HIVEP3: variants seen among roughly 807,000 people sequenced by gnomAD.
HIVEP3 encodes the protein transcription factor HIVEP3.
A neutral mutation model predicts 152.8 loss-of-function variants in HIVEP3; 49 were observed. That is an observed-to-expected ratio of 0.32 (90% CI 0.26 to 0.41). The LOEUF (loss-of-function observed/expected upper bound fraction) is 0.41. Ranked by LOEUF, HIVEP3 falls within the 10% of genes least tolerant of loss-of-function variation. HIVEP3 has a pLI of 1.00. For synonymous variants in HIVEP3, 1,269 were observed against 1,289.0 expected, an observed-to-expected ratio of 0.98 and a Z score of 0.33; for missense variants, 2,790 against 3,103.3, an observed-to-expected ratio of 0.90 and a Z score of 2.40.
In HIVEP3 at chr1:41,581,341, G is replaced by A; in HGVS notation, c.3457C>T (p.Gln1153Ter). ...TCTGGAGACTGTCCTGGCTCATGCT[G>A]CACGAGATGCTGGAAGGAGAAAAGG... is the stretch of plus-strand genomic sequence containing the variant. ...VSLFSFQHLV[Q>*]HEPGQSPEFF... Residue 1153 changes from glutamine to a stop codon, truncating the protein, a stop_gained, in exon 4 of 9, where the codon CAG becomes TAG. Coordinates refer to ENST00000372583, the MANE Select transcript of HIVEP3 (RefSeq NM_024503.5). LOFTEE classifies it high-confidence loss of function. The surrounding 1 kb of genome is among the most constrained non-coding windows in gnomAD (Gnocchi z 4.5). 1 of 1,613,802 alleles carries A rather than the reference G, an allele frequency of 6.2e-7. No homozygotes were observed. The highest frequency in any genetic ancestry group is 8.5e-7 in the Non-Finnish European group (1 of 1,179,894).
intron 5 of HIVEP3, among the ~76,000 whole-genome samples, chr1:41,559,113 T>C (rs954232985): frequency 6.6e-6 from 1 of 152,190 alleles, no homozygotes; most frequent in African/African-American, 2.4e-5. Flanking sequence ...AAAATTCCGC[T>C]TGGAGCTTTG....
At chr1:41,601,485 T>C (rs754627397) in intron 3 of HIVEP3, among the ~76,000 whole-genome samples, 2 of 152,148 alleles carry the variant, frequency 1.3e-5, no homozygotes, top group Non-Finnish European at 2.9e-5. Context: ...CTAAGTTCAT[T>C]CCTAAGTATT....
At chr1:41,850,581 AG>A (rs1259115889) in intron 1 of HIVEP3, among the ~76,000 whole-genome samples, 1 of 152,188 alleles carries the variant, frequency 6.6e-6, no homozygotes, top group Non-Finnish European at 1.5e-5. Context: ...TAGAGTCACA[AG>A]GCTCAAGAGT....
chr1:41,994,165 A>T (rs1283384849), intron 1 of HIVEP3, among the ~76,000 whole-genome samples: 3 of 152,032 alleles, frequency 2.0e-5, no homozygotes, highest in Non-Finnish European at 4.4e-5. Context: ...AAAGAAAAAA[A>T]TAAAAATAAA....
rs773327111 is a variant in HIVEP3 at position 41,524,723 on chromosome 1, ACT to A, written c.5383+10_5383+11del. 8.9e-5 allele frequency: 143 copies of A among 1,612,606 alleles called. No individual in the cohort carries two copies. The Admixed American group carries it at 2.2e-3, about 25-fold the overall frequency. On this transcript the variant is annotated intron_variant, in intron 6 of 8. Coordinates refer to ENST00000372583, the MANE Select transcript of HIVEP3 (RefSeq NM_024503.5). ...GCGGGCAGGGGCAGTGCCCCAGCTG[ACT>A]CTCTCTTACCTTTGGTTTTAAAAGC...
intron 1 of HIVEP3, among the ~76,000 whole-genome samples, chr1:41,710,891 C>T (rs148042939): frequency 1.5e-3 from 227 of 152,368 alleles, no homozygotes; most frequent in African/African-American, 5.2e-3. Flanking sequence ...GATTACTCCA[C>T]TGACTCCCCA....
intron 1 of HIVEP3, among the ~76,000 whole-genome samples, chr1:41,798,625 T>A (rs1650119210): frequency 6.6e-6 from 1 of 152,252 alleles, no homozygotes; most frequent in African/African-American, 2.4e-5. Flanking sequence ...GCTGCCTTTT[T>A]TTTCTCCCCA....
chr1:42,021,125 GAA>G (rs1175595941), intron 1 of HIVEP3, among the ~76,000 whole-genome samples: 3 of 152,180 alleles, frequency 2.0e-5, no homozygotes. Context: ...ACTTGTGTTT[GAA>G]AAGACTGTTC....
chr1:41,674,672 C>A (rs79947601), intron 2 of HIVEP3, among the ~76,000 whole-genome samples: 1 of 152,180 alleles, frequency 6.6e-6, no homozygotes, highest in Non-Finnish European at 1.5e-5. Context: ...CAGCCCCACC[C>A]GGCTGCCGGC....
At chr1:41,705,546 C>T (rs768553283) in intron 1 of HIVEP3, among the ~76,000 whole-genome samples, 9 of 152,132 alleles carry the variant, frequency 5.9e-5, no homozygotes, top group Admixed American at 2.0e-4. Context: ...AAGTGCAGAC[C>T]GAGGCTCAAA....
Position 41,524,895 on chromosome 1 carries a change from T to C in HIVEP3, c.5223A>G (p.Glu1741=), listed in dbSNP as rs1189658760. The C allele has an allele frequency of 2.5e-6, 4 of 1,613,474 alleles. No individual in the cohort carries two copies. Among genetic ancestry groups the C allele is most frequent in the Admixed American group, 1.7e-5 (1 of 59,966 alleles). The change falls in exon 6 of 9, where the codon GAA becomes GAG. Residue 1741 remains glutamate, a synonymous_variant. Coordinates refer to ENST00000372583, the MANE Select transcript of HIVEP3 (RefSeq NM_024503.5). ...CGCGGCCTCGCACATATACATACTCTTCGTTTGATTTGTACCTATGAGCAA... is the reference window on the plus strand; with the variant it reads ...CGCGGCCTCGCACATATACATACTCCTCGTTTGATTTGTACCTATGAGCAA... ...KIFEGGYKSN[E]EYVYVRGRGR...
intron 1 of HIVEP3, among the ~76,000 whole-genome samples, chr1:41,747,082 T>C (rs1471826304): frequency 1.3e-5 from 2 of 152,012 alleles, no homozygotes; most frequent in African/African-American, 4.8e-5. Context: ...TTCCCACCTG[T>C]GAGAGGCAGC....
intron 1 of HIVEP3, among the ~76,000 whole-genome samples, chr1:41,906,004 G>A (rs1644703346): frequency 6.6e-6 from 1 of 152,114 alleles, no homozygotes; most frequent in Non-Finnish European, 1.5e-5. Context: ...CTATCAACAG[G>A]TGGATGGATA....
intron 1 of HIVEP3, among the ~76,000 whole-genome samples, chr1:41,778,787 T>C (rs1000894500): frequency 6.6e-6 from 1 of 152,018 alleles, no homozygotes. Flanking sequence ...CAGTAAGTGG[T>C]AAGAAGAAAA....
intron 1 of HIVEP3, among the ~76,000 whole-genome samples, chr1:41,737,505 T>G (rs1407499889): frequency 6.6e-6 from 1 of 152,198 alleles, no homozygotes; most frequent in Non-Finnish European, 1.5e-5. Flanking sequence ...CCCCTGTCAT[T>G]GGGTTTAGTG....
At chr1:41,728,858 T>A (rs1646795912) in intron 1 of HIVEP3, among the ~76,000 whole-genome samples, 1 of 152,148 alleles carries the variant, frequency 6.6e-6, no homozygotes, top group Non-Finnish European at 1.5e-5. Context: ...AGGCACAGGC[T>A]AGGGTCCCAG....
intron 3 of HIVEP3, among the ~76,000 whole-genome samples, chr1:41,610,679 C>T (rs1644884480): frequency 6.6e-6 from 1 of 152,234 alleles, no homozygotes; most frequent in African/African-American, 2.4e-5. Flanking sequence ...ACCTGTCCAG[C>T]TTCTCCAGCT....
chr1:41,989,066 G>T (rs886518525), intron 1 of HIVEP3, among the ~76,000 whole-genome samples: 3 of 152,102 alleles, frequency 2.0e-5, no homozygotes, highest in African/African-American at 7.2e-5. Context: ...AGGATAGTGG[G>T]GGATGGGTTG....
At chr1:41,623,376 G>C (rs1037995648) in intron 3 of HIVEP3, among the ~76,000 whole-genome samples, 6 of 152,210 alleles carry the variant, frequency 3.9e-5, no homozygotes, top group East Asian at 1.9e-4. Flanking sequence ...GTGGGAGAGA[G>C]AGCACTAAGC....
Sources: allele counts gnomAD v4.1 joint callset (sites outside exome capture counted in the v4.1 genomes callset), GRCh38; gene constraint gnomAD v4.1.1; non-coding constraint Gnocchi (gnomAD v3.1); transcripts MANE v1.5; gene names NCBI Gene and HGNC (gene_info 2026-07-23, HGNC 2026-07-21).